The following DMD variants were observed in gnomAD, a reference collection of about 807,000 sequenced individuals.
DMD encodes the protein mutant dystrophin.
A neutral mutation model predicts 330.1 loss-of-function variants in DMD; 63 were observed. The observed-to-expected ratio is 0.19, with a 90% CI of 0.16 to 0.24. DMD has a LOEUF of 0.24. DMD is among the 10% of genes least tolerant of loss of function. The pLI, the probability that DMD is intolerant of heterozygous loss-of-function variation, is 1.00. For synonymous variants in DMD, 1,223 were observed against 959.8 expected, an observed-to-expected ratio of 1.27 and a Z score of -5.07; for missense variants, 3,344 against 2,684.1, an observed-to-expected ratio of 1.25 and a Z score of -5.43.
At chrX:31,685,093 C>T (rs2082603249) in intron 52 of DMD, among the ~76,000 whole-genome samples, 1 of 111,570 alleles carries the variant, frequency 9.0e-6, no homozygotes, top group Non-Finnish European at 1.9e-5. Flanking sequence ...GCTTATATCA[C>T]CTTGGAGGAG....
chrX:32,626,918 TCA>T (rs2058380851), intron 11 of DMD, among the ~76,000 whole-genome samples: 1 of 105,536 alleles, frequency 9.5e-6, no homozygotes, highest in African/African-American at 4.0e-5. Context: ...ATTCAAACTA[TCA>T]CAGATAGGTG....
At chrX:32,647,580 T>G (rs150852686) in intron 9 of DMD, among the ~76,000 whole-genome samples, 3 of 111,622 alleles carry the variant, frequency 2.7e-5, no homozygotes, top group African/African-American at 9.8e-5. Flanking sequence ...ATTGATGATA[T>G]AGAAAGAAAG....
At chrX:31,632,480 C>A in intron 54 of DMD, among the ~76,000 whole-genome samples, 1 of 111,898 alleles carries the variant, frequency 8.9e-6, no homozygotes, top group East Asian at 2.8e-4. Flanking sequence ...AGAACTCAGT[C>A]TTCTGCTAAA....
chrX:31,619,164 T>C (rs779521095), intron 55 of DMD, among the ~76,000 whole-genome samples: 29 of 111,615 alleles, frequency 2.6e-4, no homozygotes, highest in Admixed American at 2.4e-3. Flanking sequence ...TAAACATTTA[T>C]TGTGACAAGC....
Position 31,562,014 on chromosome X carries a change from C to A in DMD, c.8218-54561G>T, listed in dbSNP as rs192917172. Among the ~76,000 whole-genome samples the A allele has an allele frequency of 4.9e-3, 551 of 112,011 alleles. 2 individuals are homozygous for A. Among genetic ancestry groups the A allele is most frequent in the Non-Finnish European group, 7.7e-3 (409 of 53,124 alleles). On this transcript the variant is annotated intron_variant, in intron 55 of 78. Coordinates refer to ENST00000357033, the MANE Select transcript of DMD (RefSeq NM_004006.3). ...ACCTAGTATATATCTCTCCATTCCT[C>A]CTTCATGGTTATGTAATCCCATAAG...
At chrX:31,883,419 T>A (rs190781850) in intron 47 of DMD, among the ~76,000 whole-genome samples, 38 of 111,268 alleles carry the variant, frequency 3.4e-4, no homozygotes, top group East Asian at 2.0e-3. Context: ...AAGTTTTTTT[T>A]AAAAATCCCT....
intron 17 of DMD, among the ~76,000 whole-genome samples, chrX:32,533,573 C>A (rs767976276): frequency 1.7e-4 from 19 of 112,148 alleles, no homozygotes; most frequent in African/African-American, 5.8e-4. Context: ...TTTATTAGTA[C>A]TTCTTCATGA....
At chrX:32,942,112 A>AGTGTGTGCGTGTGTGTGT (rs60820174) in intron 2 of DMD, among the ~76,000 whole-genome samples, 1 of 110,092 alleles carries the variant, frequency 9.1e-6, no homozygotes, top group Non-Finnish European at 1.9e-5. Context: ...TTGAGAAGGG[A>AGTGTGTGCGTGTGTGTGT]GTGTGTGCGT....
chrX:32,796,312 G>C (rs140392882), intron 7 of DMD, among the ~76,000 whole-genome samples: 58 of 111,254 alleles, frequency 5.2e-4, no homozygotes, highest in African/African-American at 1.9e-3. Flanking sequence ...TACATTTTCT[G>C]CACCAACATG....
chrX:31,530,382 G>A (rs1019430236), intron 55 of DMD, among the ~76,000 whole-genome samples: 1 of 111,764 alleles, frequency 8.9e-6, no homozygotes, highest in African/African-American at 3.3e-5. Context: ...ACACTGGAAG[G>A]GGAAACCTCC....
At chrX:31,334,909 T>A (rs1355701943) in intron 61 of DMD, among the ~76,000 whole-genome samples, 2 of 111,547 alleles carry the variant, frequency 1.8e-5, no homozygotes, top group African/African-American at 3.3e-5. Context: ...CCATCTTGGA[T>A]CCTTTACTTT....
At position 32,362,911 on chromosome X, in the gene DMD, T is replaced by G. The variant is rs190285633; in HGVS notation, c.5202A>C (p.Thr1734=). The G allele has an allele frequency of 1.7e-6, 2 of 1,208,932 alleles. No individual in the cohort carries two copies. The highest frequency in any genetic ancestry group is 4.4e-5 in the Admixed American group (2 of 45,520). ...LNDIRPKVDS[T]RDQAANLMAN... The stretch of plus-strand genomic sequence containing the variant: ...CCATCAAGTTTGCTGCTTGGTCACG[T>G]GTAGAGTCCACCTTTGGGCGTATGT... The change falls in exon 37 of 79, where the codon ACA becomes ACC. Residue 1734 remains threonine, a synonymous_variant. Coordinates refer to ENST00000357033, the MANE Select transcript of DMD (RefSeq NM_004006.3).
chrX:32,524,930 G>A (rs753164834), intron 17 of DMD, among the ~76,000 whole-genome samples: 3 of 112,013 alleles, frequency 2.7e-5, no homozygotes, highest in Admixed American at 9.4e-5. Context: ...TGAGGAGAGC[G>A]TTTTGTCTAA....
chrX:32,045,881 A>G (rs750558051), intron 44 of DMD, among the ~76,000 whole-genome samples: 32 of 112,764 alleles, frequency 2.8e-4, no homozygotes, highest in African/African-American at 1.0e-3. Context: ...TTAATCCCAC[A>G]GAGGTGATAA....
rs944807276 is a variant in DMD at position 31,178,066 on chromosome X, T to G, written c.10224-96A>C. The G allele has an allele frequency of 5.5e-6, 6 of 1,094,839 alleles. No homozygotes were observed. The African/African-American group carries it at 7.4e-5, about 13-fold the overall frequency. 90.2% of individuals were successfully genotyped at this position (1,094,839 alleles called of 1,213,427 possible). A position where few individuals can be genotyped will look rare whatever the true frequency, so the allele number is the denominator to read the frequency against. ...TCAAAATAAATAAAATCCAGCCAAT[T>G]AAGTATGAACCATGGAAAGCAATAG... On this transcript the variant is annotated intron_variant, in intron 70 of 78. Coordinates refer to ENST00000357033, the MANE Select transcript of DMD (RefSeq NM_004006.3).
chrX:32,718,497 C>T (rs943632059), intron 7 of DMD, among the ~76,000 whole-genome samples: 11 of 111,589 alleles, frequency 9.9e-5, no homozygotes, highest in African/African-American at 3.6e-4. Flanking sequence ...TATAAATTAC[C>T]CAGTCACAGG....
At chrX:32,422,793 A>G (rs1342076201) in intron 29 of DMD, among the ~76,000 whole-genome samples, 1 of 111,465 alleles carries the variant, frequency 9.0e-6, no homozygotes, top group Admixed American at 9.6e-5. Flanking sequence ...AAAAAAATAA[A>G]CATTTTCAGA....
chrX:31,899,913 C>A (rs768221817), intron 47 of DMD, among the ~76,000 whole-genome samples: 3 of 111,227 alleles, frequency 2.7e-5, no homozygotes, highest in South Asian at 7.6e-4. Flanking sequence ...AACTGCAATG[C>A]CTATTAGTAG....
chrX:31,633,980 C>G (rs2079267449), intron 54 of DMD, among the ~76,000 whole-genome samples: 1 of 111,787 alleles, frequency 8.9e-6, no homozygotes, highest in South Asian at 3.7e-4. Flanking sequence ...ACTCTGAAGA[C>G]AGATATTGGA....
Sources: allele counts gnomAD v4.1 joint callset (sites outside exome capture counted in the v4.1 genomes callset), GRCh38; gene constraint gnomAD v4.1.1; transcripts MANE v1.5; gene names NCBI Gene and HGNC (gene_info 2026-07-23, HGNC 2026-07-21).